NCAPD3: variants seen among roughly 807,000 people sequenced by gnomAD.
The protein encoded by NCAPD3 is condensin-2 complex subunit D3.
In NCAPD3, 105 loss-of-function variants were observed where a neutral mutation model predicts 182.9. That is an observed-to-expected ratio of 0.57 (90% CI 0.49 to 0.68). NCAPD3 has a LOEUF of 0.68. Ranked by LOEUF, NCAPD3 falls within the 30% of genes least tolerant of loss-of-function variation. The pLI is 0.00. For synonymous variants in NCAPD3, 815 were observed against 679.9 expected, an observed-to-expected ratio of 1.20 and a Z score of -3.09; for missense variants, 1,944 against 1,837.0, an observed-to-expected ratio of 1.06 and a Z score of -1.07.
intron 16 of NCAPD3, 85 bp from the exon 17 acceptor site, chr11:134,185,611 A>T: frequency 8.8e-7 from 1 of 1,135,342 alleles, no homozygotes; most frequent in Non-Finnish European, 1.2e-6. Context: ...AAAGGGTATC[A>T]ACTTCTGCTG....
chr11:134,169,048 C>T lies in NCAPD3; in HGVS notation c.3108G>A (p.Gly1036=). The change falls in exon 25 of 35, where the codon GGG becomes GGA. Residue 1036 remains glycine, a synonymous_variant. Transcript: ENST00000534548. ...IDSHPDIASF[G]EFCLAHLLLK... ...GTAACAGGTGAGCCAGGCAAAACTCCCCGAAGCTGCAAAGGTGAGAGAAAC... is the reference window on the plus strand; with the variant it reads ...GTAACAGGTGAGCCAGGCAAAACTCTCCGAAGCTGCAAAGGTGAGAGAAAC... The T allele has an allele frequency of 6.2e-7, 1 of 1,613,312 alleles. No homozygotes were observed. Among genetic ancestry groups the T allele is most frequent in the South Asian group, 1.1e-5 (1 of 90,922 alleles).
chr11:134,162,563 C>T (rs570346475), intron 27 of NCAPD3, among the ~76,000 whole-genome samples: 1 of 152,220 alleles, frequency 6.6e-6, no homozygotes, highest in South Asian at 2.1e-4. Context: ...TACTCTTTTC[C>T]TTCTCATTTA....
intron 4 of NCAPD3, 101 bp from the exon 5 acceptor site, chr11:134,209,578 GGA>G: frequency 8.9e-7 from 1 of 1,125,592 alleles, no homozygotes; most frequent in Non-Finnish European, 1.3e-6. Context: ...ACTCCAGGCA[GGA>G]GCTGATGTTG....
chr11:134,214,822 A>C (rs1034352490), intron 3 of NCAPD3, among the ~76,000 whole-genome samples: 24 of 152,150 alleles, frequency 1.6e-4, no homozygotes, highest in Non-Finnish European at 5.9e-5. Context: ...GAAAACCCAA[A>C]ATCTTCCAAA....
intron 12 of NCAPD3, 22 bp from the exon 13 acceptor site, chr11:134,202,927 C>A (rs770960940): frequency 3.9e-6 from 6 of 1,548,694 alleles, no homozygotes; most frequent in South Asian, 2.3e-5. Flanking sequence ...AAATTACAGT[C>A]ATTAAGCTAA....
chr11:134,204,175 A>G lies in NCAPD3; in HGVS notation c.1090-4T>C. 1 of 1,612,110 alleles carries G rather than the reference A, an allele frequency of 6.2e-7. No individual in the cohort carries two copies. Among genetic ancestry groups the G allele is most frequent in the East Asian group, 2.2e-5 (1 of 44,860 alleles). ...GATACTCTGATTTATCTACCACCTG[A>G]AAAGCAAAAAGAGAAGTTGACCAAC... is the stretch of plus-strand genomic sequence containing the variant. On this transcript the variant is annotated splice_region_variant and splice_polypyrimidine_tract_variant and intron_variant, in intron 9 of 34. Transcript: ENST00000534548. This position sits in a 1 kb window ranked among gnomAD's most constrained non-coding sequence, Gnocchi z 4.3.
intron 29 of NCAPD3, among the ~76,000 whole-genome samples, 161 bp downstream of exon 29, chr11:134,159,731 C>G (rs1943524709): frequency 6.6e-6 from 1 of 152,242 alleles, no homozygotes; most frequent in Non-Finnish European, 1.5e-5. Context: ...CCATCACAGA[C>G]AGAAAGGCAC....
chr11:134,195,914 A>G (rs1944617991), intron 13 of NCAPD3, among the ~76,000 whole-genome samples: 2 of 152,184 alleles, frequency 1.3e-5, no homozygotes, highest in South Asian at 4.1e-4. Context: ...AGAGTGTGGA[A>G]GGCAAATGAA....
chr11:134,158,928 GTCTT>G (rs1230841844), intron 29 of NCAPD3, among the ~76,000 whole-genome samples: 4 of 152,160 alleles, frequency 2.6e-5, no homozygotes, highest in East Asian at 1.9e-4. Flanking sequence ...TACAATCTTT[GTCTT>G]TCTGTGTTTG....
chr11:134,188,039 G>A (rs963591995), intron 16 of NCAPD3, among the ~76,000 whole-genome samples: 26 of 152,204 alleles, frequency 1.7e-4, no homozygotes, highest in African/African-American at 6.0e-4. Flanking sequence ...AAGGTGAGAG[G>A]TGAAGCCAGT....
chr11:134,156,929 CG>C (rs2120514174), intron 32 of NCAPD3, 88 bp downstream of exon 32: 1 of 1,171,438 alleles, frequency 8.5e-7, no homozygotes, highest in Non-Finnish European at 1.3e-6. Context: ...TATCCTGCAC[CG>C]GAAGGAGTTT....
chr11:134,163,527 A>C (rs940018447), intron 27 of NCAPD3, among the ~76,000 whole-genome samples: 2 of 151,838 alleles, frequency 1.3e-5, no homozygotes, highest in Non-Finnish European at 2.9e-5. Flanking sequence ...GTGAAACCCC[A>C]TCTCTACTAA....
chr11:134,184,297 A>G (rs545854072), intron 19 of NCAPD3, among the ~76,000 whole-genome samples: 9 of 152,366 alleles, frequency 5.9e-5, no homozygotes, highest in East Asian at 1.9e-4. Flanking sequence ...AAAATTGTCT[A>G]TAAGTGTTCT....
chr11:134,195,141 C>A (rs1049131469), intron 13 of NCAPD3, among the ~76,000 whole-genome samples: 4 of 152,114 alleles, frequency 2.6e-5, no homozygotes, highest in Non-Finnish European at 4.4e-5. Context: ...CATTCTGTCA[C>A]CCAGGGTGGT....
At chr11:134,165,480 G>A (rs1943749247) in intron 27 of NCAPD3, among the ~76,000 whole-genome samples, 1 of 149,474 alleles carries the variant, frequency 6.7e-6, no homozygotes, top group Admixed American at 6.7e-5. Context: ...GAGCTTGGGG[G>A]AGTGGCACAC....
intron 30 of NCAPD3, 104 bp downstream of exon 30, chr11:134,158,221 CCAGA>C (rs1241350306): frequency 6.8e-5 from 104 of 1,534,926 alleles, no homozygotes; most frequent in Admixed American, 5.1e-4. Flanking sequence ...GGGTGGCAGG[CCAGA>C]CAATGACAAT....
At chr11:134,175,533 G>A (rs1225886329) in intron 24 of NCAPD3, among the ~76,000 whole-genome samples, 1 of 152,154 alleles carries the variant, frequency 6.6e-6, no homozygotes, top group East Asian at 1.9e-4. Context: ...GTAAATTATT[G>A]GTGGCTATAT....
chr11:134,174,357 T>C (rs1190366999), intron 24 of NCAPD3, among the ~76,000 whole-genome samples: 1 of 116,190 alleles, frequency 8.6e-6, no homozygotes, highest in East Asian at 2.6e-4. Context: ...TACTTCAGCC[T>C]GAGCAACAGA....
chr11:134,159,866 C>G, intron 29 of NCAPD3, 26 bp downstream of exon 29: 2 of 1,600,950 alleles, frequency 1.2e-6, no homozygotes, highest in Non-Finnish European at 1.7e-6. Context: ...ACTGTCTGGT[C>G]ACAGTGCAGT....
Sources: allele counts gnomAD v4.1 joint callset (sites outside exome capture counted in the v4.1 genomes callset), GRCh38; gene constraint gnomAD v4.1.1; non-coding constraint Gnocchi (gnomAD v3.1); transcripts MANE v1.5; gene names NCBI Gene and HGNC (gene_info 2026-07-23, HGNC 2026-07-21).